Variants in IQSEC1 observed in about 807,000 individuals in gnomAD.
IQSEC1 encodes the protein IQ motif and SEC7 domain-containing protein 1.
Under a neutral mutation model 91.0 loss-of-function variants are expected in IQSEC1, and 31 were observed. The ratio of observed to expected loss-of-function variants is 0.34; its 90% CI spans 0.26 to 0.46. The LOEUF is 0.46. IQSEC1 is among the 20% of genes least tolerant of loss of function. The pLI is 1.00. For synonymous variants in IQSEC1, 699 were observed against 662.6 expected (o/e 1.05, Z -0.84); for missense variants, 1,388 against 1,575.6 (o/e 0.88, Z 2.02).
chr3:13,021,902 G>A lies in IQSEC1; in HGVS notation c.23+51090C>T, dbSNP rs1221311611. On this transcript the variant is annotated intron_variant, in intron 1 of 13. Transcript: ENST00000613206. ...GTCATTGTTCCACTCTCCTCCTCCC[G>A]CTCCACCAGAGACTGAAAGTTGCTC... 1.8e-5 allele frequency: 9 copies of A among 498,090 alleles called. No individual in the cohort carries two copies. The East Asian group carries it at 2.1e-4, about 12-fold the overall frequency. The allele number at this position is 498,090 out of a possible 1,614,324, so 30.9% of individuals were successfully genotyped here. A position where few individuals can be genotyped will look rare whatever the true frequency, so the allele number is the denominator to read the frequency against.
chr3:13,168,869 A>G (rs1050033916), intron 1 of IQSEC1, among the ~76,000 whole-genome samples: 1 of 152,154 alleles, frequency 6.6e-6, no homozygotes, highest in Non-Finnish European at 1.5e-5. Context: ...ATTCTCTGCC[A>G]TATTACCCCA....
At chr3:12,964,938 G>A (rs574310634) in intron 1 of IQSEC1, among the ~76,000 whole-genome samples, 2 of 152,310 alleles carry the variant, frequency 1.3e-5, no homozygotes, top group East Asian at 3.9e-4. Context: ...TGACTATGCA[G>A]CTGTCAGTCC....
intron 2 of IQSEC1, among the ~76,000 whole-genome samples, chr3:13,093,357 C>T (rs1705899158): frequency 6.6e-6 from 1 of 152,016 alleles, no homozygotes; most frequent in Non-Finnish European, 1.5e-5. Context: ...CTCCAGCATC[C>T]CAGGCGGTGC....
intron 2 of IQSEC1, among the ~76,000 whole-genome samples, chr3:13,155,383 T>C (rs1353559684): frequency 1.3e-5 from 2 of 152,186 alleles, no homozygotes; most frequent in African/African-American, 4.8e-5. Flanking sequence ...ACCTAGATGA[T>C]TCAAATTCCT....
intron 1 of IQSEC1, among the ~76,000 whole-genome samples, chr3:12,962,844 C>T (rs755574545): frequency 9.2e-5 from 14 of 152,272 alleles, no homozygotes; most frequent in South Asian, 2.1e-4. Context: ...CAGGAAGGCC[C>T]GGTGAGTGGT....
chr3:13,216,388 C>T (rs767947910), intron 1 of IQSEC1, among the ~76,000 whole-genome samples: 4 of 152,166 alleles, frequency 2.6e-5, no homozygotes, highest in African/African-American at 4.8e-5. Flanking sequence ...AGGGGGCCCT[C>T]GGAAGGGGCC....
intron 2 of IQSEC1, among the ~76,000 whole-genome samples, chr3:13,118,397 G>A (rs1360311929): frequency 1.3e-5 from 2 of 152,192 alleles, no homozygotes; most frequent in Non-Finnish European, 2.9e-5. Flanking sequence ...TTGCCAAATG[G>A]TGAAAACAGC....
intron 1 of IQSEC1, among the ~76,000 whole-genome samples, chr3:13,049,813 C>T (rs1369342719): frequency 6.6e-6 from 1 of 152,176 alleles, no homozygotes; most frequent in Non-Finnish European, 1.5e-5. Context: ...ACTCATTGAG[C>T]TATGCAACAG....
intron 1 of IQSEC1, among the ~76,000 whole-genome samples, chr3:13,019,226 C>A (rs546359424): frequency 6.6e-6 from 1 of 152,256 alleles, no homozygotes; most frequent in Non-Finnish European, 1.5e-5. Context: ...CCAGGATCGT[C>A]CCTCTCAGAG....
At chr3:13,154,476 T>TATATATAC (rs1707055498) in intron 2 of IQSEC1, among the ~76,000 whole-genome samples, 2 of 127,386 alleles carry the variant, frequency 1.6e-5, no homozygotes, top group Non-Finnish European at 3.3e-5. Context: ...TATATATATA[T>TATATATAC]GCAAAAACTG....
intron 1 of IQSEC1, among the ~76,000 whole-genome samples, chr3:13,248,572 G>A (rs1053801009): frequency 6.6e-6 from 1 of 152,124 alleles, no homozygotes; most frequent in African/African-American, 2.4e-5. Flanking sequence ...GCCATTCCTG[G>A]CAGCTCCAAA....
At chr3:13,097,763 G>A (rs916749886) in intron 2 of IQSEC1, among the ~76,000 whole-genome samples, 5 of 152,098 alleles carry the variant, frequency 3.3e-5, no homozygotes, top group Non-Finnish European at 5.9e-5. Flanking sequence ...TCCTGGAATC[G>A]CTTCTGGCTG....
chr3:13,026,498 T>C (rs943188170), intron 1 of IQSEC1, among the ~76,000 whole-genome samples: 2 of 152,268 alleles, frequency 1.3e-5, no homozygotes, highest in African/African-American at 4.8e-5. Context: ...TGGCTTACTC[T>C]GTGCCAGATA....
At chr3:13,154,140 G>T (rs991325888) in intron 2 of IQSEC1, among the ~76,000 whole-genome samples, 2 of 151,874 alleles carry the variant, frequency 1.3e-5, no homozygotes, top group African/African-American at 4.8e-5. Flanking sequence ...CTCCCACCCT[G>T]TCCCCAGCCC....
At position 12,983,970 on chromosome 3, in the gene IQSEC1, C is replaced by T. The variant is rs560161846; in HGVS notation, c.24-42105G>A. On this transcript the variant is annotated intron_variant, in intron 1 of 13. Coordinates refer to ENST00000613206, the MANE Select transcript of IQSEC1 (RefSeq NM_001134382.3). This position sits in a 1 kb window ranked among gnomAD's most constrained non-coding sequence, Gnocchi z 4.3. ...GGTAAGGGCCTTTCATACGTGGGTTCTGGGGGATAGTAACATGGTAAACAG... is the reference window on the plus strand; with the variant it reads ...GGTAAGGGCCTTTCATACGTGGGTTTTGGGGGATAGTAACATGGTAAACAG... Among the ~76,000 whole-genome samples the T allele has an allele frequency of 2.6e-5, 4 of 152,276 alleles. No homozygotes were observed. In the South Asian group the frequency reaches 8.3e-4, roughly 32 times the overall value.
chr3:13,283,094 G>C (rs1307543290), exon 1 of IQSEC1, among the ~76,000 whole-genome samples: 2 of 144,118 alleles, frequency 1.4e-5, no homozygotes, highest in Non-Finnish European at 3.1e-5. Context: ...CGGGGCTGCC[G>C]CGGCCCCGCC....
Position 12,913,416 on chromosome 3 carries a change from T to C in IQSEC1, c.2316+12A>G. The C allele has an allele frequency of 6.3e-7, 1 of 1,583,296 alleles. No homozygotes were observed. Among genetic ancestry groups the C allele is most frequent in the Non-Finnish European group, 8.6e-7 (1 of 1,161,588 alleles). On this transcript the variant is annotated intron_variant, in intron 9 of 13. Coordinates refer to ENST00000613206, the MANE Select transcript of IQSEC1 (RefSeq NM_001134382.3). The stretch of plus-strand genomic sequence containing the variant: ...GGTCCCTGCTACAATGCCTTGTGGG[T>C]GAGCCACATACCACCAGGAGGTCGT...
At chr3:13,183,741 G>T (rs542871378) in intron 1 of IQSEC1, among the ~76,000 whole-genome samples, 3 of 152,184 alleles carry the variant, frequency 2.0e-5, no homozygotes, top group South Asian at 2.1e-4. Flanking sequence ...TGTTTGTTTG[G>T]TTGGTTGTTA....
intron 1 of IQSEC1, among the ~76,000 whole-genome samples, chr3:13,261,161 G>A (rs1695379241): frequency 6.6e-6 from 1 of 152,214 alleles, no homozygotes; most frequent in Admixed American, 6.5e-5. Flanking sequence ...CGCCCTCCAG[G>A]ACCTGTTCCC....
Sources: gnomAD v4.1 joint callset for allele counts (sites outside exome capture counted in the v4.1 genomes callset) on GRCh38, gnomAD v4.1.1 for gene constraint, Gnocchi (gnomAD v3.1) non-coding constraint, MANE v1.5 for transcripts, NCBI Gene and HGNC (gene_info 2026-07-23, HGNC 2026-07-21) for gene names.